The following RTTN variants were observed in gnomAD, a reference collection of about 807,000 sequenced individuals.
The protein encoded by RTTN is rotatin.
Under a neutral mutation model 269.2 loss-of-function variants are expected in RTTN, and 182 were observed. That is an observed-to-expected ratio of 0.68 (90% CI 0.60 to 0.76). The LOEUF (loss-of-function observed/expected upper bound fraction) is 0.76. RTTN is among the 30% of genes least tolerant of loss of function. RTTN has a pLI of 0.00. For missense variants in RTTN, 2,545 were observed against 2,608.6 expected (o/e 0.98, Z 0.53); for synonymous variants, 1,006 against 963.5 (o/e 1.04, Z -0.82).
chr18:70,075,661 T>A (rs1250584269), intron 32 of RTTN, 120 bp from the exon 33 acceptor site: 2 of 704,262 alleles, frequency 2.8e-6, no homozygotes, highest in Non-Finnish European at 4.5e-6. Flanking sequence ...CTCCTTCCAC[T>A]CTGCTTTTGT....
intron 28 of RTTN, among the ~76,000 whole-genome samples, chr18:70,099,489 C>T (rs899107999): frequency 1.3e-5 from 2 of 152,088 alleles, no homozygotes; most frequent in Admixed American, 1.3e-4. Context: ...AGCCCTTTGT[C>T]AGATGCGTAG....
intron 27 of RTTN, among the ~76,000 whole-genome samples, chr18:70,110,658 G>A (rs569104372): frequency 6.6e-6 from 1 of 152,320 alleles, no homozygotes; most frequent in African/African-American, 2.4e-5. Context: ...ACAAGCTGCA[G>A]TAGTTCTTTT....
chr18:70,035,581 T>A (rs2057147443), intron 40 of RTTN, among the ~76,000 whole-genome samples: 2 of 152,080 alleles, frequency 1.3e-5, no homozygotes, highest in Non-Finnish European at 2.9e-5. Flanking sequence ...AAGACTTAAA[T>A]ATAAACCCCA....
At chr18:70,115,665 G>A (rs1185054542) in intron 26 of RTTN, among the ~76,000 whole-genome samples, 1 of 151,970 alleles carries the variant, frequency 6.6e-6, no homozygotes, top group African/African-American at 2.4e-5. Flanking sequence ...GGCAGAGCAA[G>A]AAGCATCTTA....
intron 10 of RTTN, among the ~76,000 whole-genome samples, chr18:70,187,064 G>A (rs1055376051): frequency 2.0e-5 from 3 of 152,096 alleles, no homozygotes; most frequent in African/African-American, 4.8e-5. Context: ...CTACCCTAGA[G>A]ACATACCTGC....
intron 48 of RTTN, among the ~76,000 whole-genome samples, chr18:70,004,674 G>C (rs1005234061): frequency 6.6e-6 from 1 of 152,032 alleles, no homozygotes; most frequent in Admixed American, 6.6e-5. Context: ...TTACAGTACA[G>C]GAAAGACACA....
intron 34 of RTTN, among the ~76,000 whole-genome samples, chr18:70,068,852 C>T (rs570873062): frequency 1.1e-4 from 17 of 152,234 alleles, no homozygotes; most frequent in Admixed American, 6.5e-4. Flanking sequence ...TATAATCCCT[C>T]GGTAAGACAA....
intron 10 of RTTN, among the ~76,000 whole-genome samples, chr18:70,184,019 T>C (rs2061477001): frequency 6.6e-6 from 1 of 152,186 alleles, no homozygotes; most frequent in Non-Finnish European, 1.5e-5. Context: ...GCTCCCATGC[T>C]GGCCTCCCAA....
At chr18:70,117,499 C>T (rs990749171) in intron 26 of RTTN, among the ~76,000 whole-genome samples, 18 of 151,948 alleles carry the variant, frequency 1.2e-4, no homozygotes, top group South Asian at 4.1e-4. Flanking sequence ...ATTTATAACA[C>T]TTGTGGTGAT....
chr18:70,097,922 T>A (rs1415959434), intron 28 of RTTN, among the ~76,000 whole-genome samples: 3 of 152,198 alleles, frequency 2.0e-5, no homozygotes, highest in African/African-American at 7.2e-5. Context: ...AGGCAACACT[T>A]CACTTCTTCT....
intron 42 of RTTN, among the ~76,000 whole-genome samples, chr18:70,029,502 C>T (rs908942758): frequency 2.0e-5 from 3 of 152,056 alleles, no homozygotes; most frequent in Non-Finnish European, 4.4e-5. Flanking sequence ...AGGAGATAAA[C>T]AGAGATGAGG....
rs1301097050 is a variant in RTTN, at chr18:70,150,610, C to A, written c.2053G>T (p.Glu685Ter). Residue 685 changes from glutamate to a stop codon, truncating the protein, a stop_gained and splice_region_variant, in exon 15 of 49, where the codon GAG becomes TAG. Transcript: ENST00000640769. LOFTEE classifies it high-confidence loss of function. ...SVFGIQEPES[E>*]VNTAAKAILL... ...TTCACTCATGTTTAATGTCATACCT[C>A]ACTTTCGGGCTCTTGAATGCCAAAT... 1 of 1,611,884 alleles carries A rather than the reference C, an allele frequency of 6.2e-7. No homozygotes were observed. The highest frequency in any genetic ancestry group is 1.7e-5 in the Admixed American group (1 of 59,862).
intron 34 of RTTN, among the ~76,000 whole-genome samples, chr18:70,071,858 G>A (rs761056662): frequency 6.6e-6 from 1 of 152,026 alleles, no homozygotes; most frequent in Non-Finnish European, 1.5e-5. Flanking sequence ...AAGATAAAAT[G>A]GAAAAACCAG....
rs140099998 is a variant in RTTN, at chr18:70,063,155, AGTTTT to A, written c.4747+2669_4747+2673del. Among the ~76,000 whole-genome samples, 440 of 152,314 alleles carry A rather than the reference AGTTTT, an allele frequency of 2.9e-3. 1 individual carries two copies. The highest frequency in any genetic ancestry group is 9.8e-3 in the African/African-American group (408 of 41,582). ...ATTGTTTAATCAAAGGTAAATACATAGTTTTGTTATCTATTGCCAAATTCCCTTCC... is the reference window on the plus strand; with the variant it reads ...ATTGTTTAATCAAAGGTAAATACATAGTTATCTATTGCCAAATTCCCTTCC... On this transcript the variant is annotated intron_variant, in intron 35 of 48. Transcript: ENST00000640769.
chr18:70,134,450 A>G, intron 23 of RTTN, 23 bp downstream of exon 23: 2 of 1,545,206 alleles, frequency 1.3e-6, no homozygotes, highest in Non-Finnish European at 1.8e-6. Context: ...CCTTCAAGAA[A>G]ATCAGAGAAA....
intron 8 of RTTN, among the ~76,000 whole-genome samples, chr18:70,192,368 G>A (rs2061692248): frequency 6.6e-6 from 1 of 152,146 alleles, no homozygotes; most frequent in Non-Finnish European, 1.5e-5. Flanking sequence ...AGCAGAGTTG[G>A]TGTATGAAAA....
intron 32 of RTTN, 147 bp from the exon 33 acceptor site, chr18:70,075,688 C>A (rs1777028216): frequency 1.7e-6 from 1 of 583,148 alleles, no homozygotes; most frequent in Admixed American, 4.1e-5. Flanking sequence ...ACAGTTATAG[C>A]AGCCTGACCT....
chr18:70,028,683 C>T, intron 43 of RTTN, 41 bp downstream of exon 43: 1 of 1,200,310 alleles, frequency 8.3e-7, no homozygotes. Flanking sequence ...CTGCTTAATA[C>T]CAGTACTCCT....
At chr18:70,147,933 A>G (rs561620281) in intron 17 of RTTN, among the ~76,000 whole-genome samples, 1 of 152,146 alleles carries the variant, frequency 6.6e-6, no homozygotes, top group East Asian at 1.9e-4. Flanking sequence ...GTAGAAGACA[A>G]CCCCTGAGAA....
Sources: gnomAD v4.1 joint callset for allele counts (sites outside exome capture counted in the v4.1 genomes callset) on GRCh38, gnomAD v4.1.1 for gene constraint, MANE v1.5 for transcripts, NCBI Gene and HGNC (gene_info 2026-07-23, HGNC 2026-07-21) for gene names.